UBE2H: variants seen among roughly 807,000 people sequenced by gnomAD.
UBE2H encodes the protein ubiquitin-conjugating enzyme E2 H.
UBE2H carries 3 observed loss-of-function variants against 29.0 expected under a neutral mutation model. The ratio of observed to expected loss-of-function variants is 0.10; its 90% confidence interval spans 0.05 to 0.27. The LOEUF (loss-of-function observed/expected upper bound fraction) is 0.27, where lower values mean the gene tolerates loss of function less well. Ranked by LOEUF, UBE2H falls within the 10% of genes least tolerant of loss-of-function variation. The pLI is 1.00. For missense variants in UBE2H, 68 were observed against 228.2 expected, an observed-to-expected ratio of 0.30 and a Z score of 4.52; for synonymous variants, 69 against 82.9, an observed-to-expected ratio of 0.83 and a Z score of 0.91.
At chr7:129,929,627 C>G (rs1164603951) in intron 1 of UBE2H, among the ~76,000 whole-genome samples, 1 of 152,130 alleles carries the variant, frequency 6.6e-6, no homozygotes, top group African/African-American at 2.4e-5. Context: ...AAACACTTAC[C>G]ATCTTCACAC....
chr7:129,900,119 G>C (rs141916681), intron 1 of UBE2H, among the ~76,000 whole-genome samples: 1 of 147,606 alleles, frequency 6.8e-6, no homozygotes, highest in East Asian at 2.0e-4. Flanking sequence ...TACAGAGTAA[G>C]ACCCATCTCA....
intron 1 of UBE2H, among the ~76,000 whole-genome samples, chr7:129,941,591 T>C (rs1563053729): frequency 6.6e-6 from 1 of 152,224 alleles, no homozygotes; most frequent in Middle Eastern, 3.4e-3. Context: ...GTCAGTAATA[T>C]TAATTTTTTT....
At chr7:129,912,183 G>A (rs949658354) in intron 1 of UBE2H, among the ~76,000 whole-genome samples, 3 of 152,120 alleles carry the variant, frequency 2.0e-5, no homozygotes, top group African/African-American at 7.2e-5. Context: ...ACGTATTATT[G>A]ATGGCTGCTT....
At chr7:129,906,483 T>C (rs991892507) in intron 1 of UBE2H, among the ~76,000 whole-genome samples, 1 of 152,126 alleles carries the variant, frequency 6.6e-6, no homozygotes, top group South Asian at 2.1e-4. Context: ...GGGATTACAG[T>C]TGTGAGTCAC....
intron 1 of UBE2H, chr7:129,951,231 C>T (rs1807868299): frequency 6.6e-6 from 1 of 152,100 alleles, no homozygotes; most frequent in Admixed American, 6.5e-5. Flanking sequence ...AGGTAAAACA[C>T]TCAATCAAAA....
At chr7:129,867,699 T>TAAAAAAAAAA (rs59742626) in intron 3 of UBE2H, among the ~76,000 whole-genome samples, 2 of 29,640 alleles carry the variant, frequency 6.7e-5, no homozygotes, top group Non-Finnish European at 1.2e-4. Context: ...TAGAGTATAA[T>TAAAAAAAAAA]AAAAAAAAAA....
intron 6 of UBE2H, among the ~76,000 whole-genome samples, chr7:129,836,947 C>A (rs1162838145): frequency 7.1e-6 from 1 of 141,590 alleles, no homozygotes; most frequent in African/African-American, 2.6e-5. Flanking sequence ...CACTCAGTAT[C>A]AGAGAGCCCT....
chr7:129,842,042 T>C (rs906018684), intron 5 of UBE2H, among the ~76,000 whole-genome samples: 1 of 152,254 alleles, frequency 6.6e-6, no homozygotes, highest in African/African-American at 2.4e-5. Flanking sequence ...ATTACAACTA[T>C]GTACAGTGTG....
At chr7:129,873,209 C>T (rs368064733) in intron 3 of UBE2H, among the ~76,000 whole-genome samples, 10 of 151,396 alleles carry the variant, frequency 6.6e-5, no homozygotes, top group Admixed American at 2.6e-4. Context: ...TTAGTAGAGA[C>T]AGCATTTCAC....
Position 129,839,307 on chromosome 7 carries a change from C to T in UBE2H, c.327G>A (p.Leu109=). The part of the protein sequence containing the change: ...YDLTNIFESF[L]PQLLAYPNPI... ...GGTTAGGATAGGCCAATAACTGAGGCAGGAAGGACTCAAATATATTGGTAA... is the reference window on the plus strand; with the variant it reads ...GGTTAGGATAGGCCAATAACTGAGGTAGGAAGGACTCAAATATATTGGTAA... The change falls in exon 6 of 7, where the codon CTG becomes CTA. Residue 109 remains leucine, a synonymous_variant. Coordinates refer to ENST00000355621, the MANE Select transcript of UBE2H (RefSeq NM_003344.4). The T allele has an allele frequency of 6.2e-7, 1 of 1,613,684 alleles. No homozygotes were observed. The highest frequency in any genetic ancestry group is 8.5e-7 in the Non-Finnish European group (1 of 1,179,902).
At chr7:129,922,696 G>C (rs1807187427) in intron 1 of UBE2H, among the ~76,000 whole-genome samples, 1 of 152,128 alleles carries the variant, frequency 6.6e-6, no homozygotes, top group Admixed American at 6.5e-5. Flanking sequence ...AAAATATTGA[G>C]TCTACATAGT....
intron 2 of UBE2H, 109 bp downstream of exon 2, chr7:129,880,786 T>G: frequency 1.1e-6 from 1 of 899,174 alleles, no homozygotes; most frequent in Non-Finnish European, 1.7e-6. Flanking sequence ...GCAGTCCAAC[T>G]AAACTTGCTT....
At chr7:129,904,955 T>C (rs1806785974) in intron 1 of UBE2H, among the ~76,000 whole-genome samples, 1 of 151,962 alleles carries the variant, frequency 6.6e-6, no homozygotes, top group Admixed American at 6.6e-5. Flanking sequence ...CAATGGGAGA[T>C]TAGCATTTTG....
At chr7:129,867,698 A>AT (rs1337660735) in intron 3 of UBE2H, among the ~76,000 whole-genome samples, 4 of 85,788 alleles carry the variant, frequency 4.7e-5, no homozygotes, top group East Asian at 6.2e-4. Flanking sequence ...TTAGAGTATA[A>AT]TAAAAAAAAA....
At chr7:129,839,449 C>T in intron 5 of UBE2H, 114 bp from the exon 6 acceptor site, 1 of 1,419,758 alleles carries the variant, frequency 7.0e-7, no homozygotes, top group African/African-American at 1.4e-5. Flanking sequence ...GGATGATTCT[C>T]CATACGAGTG....
In UBE2H at chr7:129,870,587, C is replaced by A. The variant is rs538107201; in HGVS notation, c.205+8981G>T. Among the ~76,000 whole-genome samples the A allele has an allele frequency of 2.1e-3, 323 of 152,296 alleles. 8 individuals are homozygous for A. The highest frequency in any genetic ancestry group is 0.016 in the Admixed American group (239 of 15,298). The stretch of plus-strand genomic sequence containing the variant: ...TTAATGGAGCCACATGTCTTCACAG[C>A]GGTGTATGTCTAGAACAAAGTTTCT... On this transcript the variant is annotated intron_variant, in intron 3 of 6. Transcript: ENST00000355621.
chr7:129,911,594 G>C (rs75576770), intron 1 of UBE2H, among the ~76,000 whole-genome samples: 9,472 of 152,134 alleles, frequency 0.062, 365 homozygotes, highest in Non-Finnish European at 0.091. Flanking sequence ...CACTAACCTA[G>C]AGTTTAGGAA....
At chr7:129,842,476 C>A (rs891389950) in intron 5 of UBE2H, among the ~76,000 whole-genome samples, 9 of 152,126 alleles carry the variant, frequency 5.9e-5, no homozygotes, top group Non-Finnish European at 4.4e-5. Flanking sequence ...TAAATATGTC[C>A]TTTCTATTTT....
intron 1 of UBE2H, among the ~76,000 whole-genome samples, chr7:129,913,414 C>T (rs1806979568): frequency 6.6e-6 from 1 of 152,094 alleles, no homozygotes; most frequent in Non-Finnish European, 1.5e-5. Flanking sequence ...CTCCAGAAAG[C>T]ATTCACCTTG....
Sources: allele counts gnomAD v4.1 joint callset (sites outside exome capture counted in the v4.1 genomes callset), GRCh38; gene constraint gnomAD v4.1.1; transcripts MANE v1.5; gene names NCBI Gene and HGNC (gene_info 2026-07-23, HGNC 2026-07-21).